Variants in SEMA6D observed in about 807,000 individuals in gnomAD.
SEMA6D encodes the protein semaphorin-6D.
In SEMA6D, 35 loss-of-function variants were observed where a neutral mutation model predicts 106.6. The ratio of observed to expected loss-of-function variants is 0.33; its 90% CI spans 0.25 to 0.44. The LOEUF (loss-of-function observed/expected upper bound fraction) is 0.44, where lower values mean the gene tolerates loss of function less well. Among genes scored for constraint, SEMA6D ranks in the 20% least tolerant of loss-of-function variants. The probability of loss-of-function intolerance (pLI) is 1.00; values close to 1 mark genes in which losing one functional copy is unlikely to be tolerated. For missense variants in SEMA6D, 1,185 were observed against 1,345.9 expected, an observed-to-expected ratio of 0.88 and a Z score of 1.87; for synonymous variants, 499 against 487.7, an observed-to-expected ratio of 1.02 and a Z score of -0.31.
In SEMA6D at chr15:47,207,991, GCGCACACACACACACACACA is replaced by G. The variant is rs1298361248; in HGVS notation, c.-239+23575_-239+23594del. On this transcript the variant is annotated intron_variant, in intron 1 of 19. Coordinates refer to the SEMA6D transcript ENST00000558014. Reference sequence around the variant, plus strand: ...ACAGGTACAGTAGCCACTGGCGCGCGCGCACACACACACACACACACACACACACACACACACACACACAC... The same window carrying G: ...ACAGGTACAGTAGCCACTGGCGCGCGCACACACACACACACACACACACAC... 8.5e-3 allele frequency among the ~76,000 whole-genome samples: 1,041 copies of G among 122,986 alleles called. 16 individuals are homozygous for G. Among genetic ancestry groups the G allele is most frequent in the African/African-American group, 0.024 (769 of 32,162 alleles). 80.7% of individuals were successfully genotyped at this position (122,986 alleles called of 152,430 possible). A position where few individuals can be genotyped will look rare whatever the true frequency, so the allele number is the denominator to read the frequency against.
In SEMA6D at chr15:47,662,857, GCACA is replaced by G. The variant is rs140613951; in HGVS notation, c.-55+61989_-55+61992del. On this transcript the variant is annotated intron_variant, in intron 4 of 19. Transcript: ENST00000558014. ...AGTCATTATTCATGCGTGTATGAGC[GCACA>G]CACACACACACACACACACACACAC... Among the ~76,000 whole-genome samples the G allele has an allele frequency of 9.6e-3, 1,290 of 134,140 alleles. 14 individuals carry two copies. The highest frequency in any genetic ancestry group is 0.028 in the African/African-American group (1,044 of 36,686). The allele number at this position is 134,140 out of a possible 152,430, so 88.0% of individuals were successfully genotyped here. A position where few individuals can be genotyped will look rare whatever the true frequency, so the allele number is the denominator to read the frequency against.
At chr15:47,514,744 A>G (rs368859502) in intron 3 of SEMA6D, among the ~76,000 whole-genome samples, 1 of 152,140 alleles carries the variant, frequency 6.6e-6, no homozygotes, top group African/African-American at 2.4e-5. Context: ...GCCACAGTCT[A>G]TTCTCAACAC....
chr15:47,304,896 A>G (rs543656786), intron 1 of SEMA6D, among the ~76,000 whole-genome samples: 1 of 152,314 alleles, frequency 6.6e-6, no homozygotes, highest in Non-Finnish European at 1.5e-5. Context: ...TTCAACAACA[A>G]TATTCAGTCC....
At chr15:47,192,666 C>T (rs953307718) in intron 1 of SEMA6D, among the ~76,000 whole-genome samples, 5 of 152,076 alleles carry the variant, frequency 3.3e-5, no homozygotes, top group Admixed American at 3.3e-4. Context: ...CAGAGTATAT[C>T]TTACAATGTT....
chr15:47,344,017 C>G (rs2037939277), intron 1 of SEMA6D, among the ~76,000 whole-genome samples: 1 of 152,124 alleles, frequency 6.6e-6, no homozygotes, highest in South Asian at 2.1e-4. Context: ...AAATGCAAAT[C>G]AAAACCACAA....
At chr15:47,423,699 C>T (rs559283302) in intron 2 of SEMA6D, among the ~76,000 whole-genome samples, 1 of 151,920 alleles carries the variant, frequency 6.6e-6, no homozygotes, top group East Asian at 1.9e-4. Context: ...TTCACCACTA[C>T]AGTAAACAAG....
At chr15:47,331,639 T>C (rs2037346724) in intron 1 of SEMA6D, among the ~76,000 whole-genome samples, 1 of 148,390 alleles carries the variant, frequency 6.7e-6, no homozygotes, top group Non-Finnish European at 1.5e-5. Context: ...CAAAACAAAA[T>C]AACAGTATCT....
At chr15:47,216,948 C>T (rs1258886009) in intron 1 of SEMA6D, among the ~76,000 whole-genome samples, 2 of 152,108 alleles carry the variant, frequency 1.3e-5, no homozygotes, top group East Asian at 1.9e-4. Context: ...AATCCTGACC[C>T]GCAGATAATG....
At chr15:47,379,905 G>A (rs1015791659) in intron 1 of SEMA6D, among the ~76,000 whole-genome samples, 1 of 151,438 alleles carries the variant, frequency 6.6e-6, no homozygotes, top group African/African-American at 2.4e-5. Flanking sequence ...CTACAGGCAT[G>A]CCCCACCACG....
chr15:47,303,563 C>G (rs991446115), intron 1 of SEMA6D, among the ~76,000 whole-genome samples: 6 of 152,298 alleles, frequency 3.9e-5, no homozygotes, highest in African/African-American at 1.4e-4. Context: ...CATTAATTTT[C>G]TTGGCTACTT....
intron 3 of SEMA6D, among the ~76,000 whole-genome samples, chr15:47,594,301 C>T (rs1349003175): frequency 6.6e-6 from 1 of 152,170 alleles, no homozygotes; most frequent in African/African-American, 2.4e-5. Flanking sequence ...TTTTCCACCT[C>T]CTGTTCCTCT....
chr15:47,203,715 C>A (rs1331522075), intron 1 of SEMA6D, among the ~76,000 whole-genome samples: 2 of 152,132 alleles, frequency 1.3e-5, no homozygotes, highest in Non-Finnish European at 2.9e-5. Flanking sequence ...AACCTTGACC[C>A]TTTATGATAG....
chr15:47,401,987 A>G (rs1201571244), intron 1 of SEMA6D, among the ~76,000 whole-genome samples: 1 of 152,202 alleles, frequency 6.6e-6, no homozygotes, highest in African/African-American at 2.4e-5. Flanking sequence ...TTTTAAAAGT[A>G]AACAGTTCAC....
chr15:47,761,331 A>G lies in SEMA6D; in HGVS notation c.347A>G (p.Asp116Gly). The change falls in exon 6 of 19, where the codon GAT (aspartate) becomes GGT (glycine). Residue 116 changes from aspartate (D) to glycine (G), a missense_variant and splice_region_variant. By Grantham distance (94) the Asp-to-Gly change is moderately conservative. This residue lies in a region of SEMA6D where 144 missense variants were observed against 138.6 expected (regional missense o/e 1.04). Coordinates refer to ENST00000536845, the MANE Select transcript of SEMA6D (RefSeq NM_001358351.3). Reference protein sequence around the residue: ...ENCAMKGKHKDECHNFIKVFV... With the variant: ...ENCAMKGKHKGECHNFIKVFV... The stretch of plus-strand genomic sequence containing the variant: ...TAATGTAACTACTACTTTCTTTAGG[A>G]TGAATGCCACAACTTTATCAAAGTA... 6.2e-7 allele frequency: 1 copy of G among 1,612,478 alleles called. No individual in the cohort carries two copies. The highest frequency in any genetic ancestry group is 8.5e-7 in the Non-Finnish European group (1 of 1,179,366).
intron 4 of SEMA6D, among the ~76,000 whole-genome samples, chr15:47,639,608 C>A (rs1241356732): frequency 6.6e-6 from 1 of 152,120 alleles, no homozygotes; most frequent in Non-Finnish European, 1.5e-5. Context: ...GTGGAAAAAC[C>A]TGACAAACAT....
intron 1 of SEMA6D, among the ~76,000 whole-genome samples, chr15:47,407,065 A>G (rs1292975826): frequency 6.6e-6 from 1 of 152,186 alleles, no homozygotes; most frequent in East Asian, 1.9e-4. Flanking sequence ...TTAAGTGAAA[A>G]TAGTGAATGT....
At chr15:47,513,479 T>C (rs2044294004) in intron 3 of SEMA6D, among the ~76,000 whole-genome samples, 1 of 152,158 alleles carries the variant, frequency 6.6e-6, no homozygotes, top group African/African-American at 2.4e-5. Context: ...TCCTTGGTCT[T>C]GGGAACTGCA....
In SEMA6D at chr15:47,424,317, C is replaced by T. The variant is rs1028856421; in HGVS notation, c.-159+11845C>T. ...GAAGGATTGAGAATATATACAGAGCCGTAAGATATTGCATACATTTCATGA... is the reference window on the plus strand; with the variant it reads ...GAAGGATTGAGAATATATACAGAGCTGTAAGATATTGCATACATTTCATGA... On this transcript the variant is annotated intron_variant, in intron 2 of 19. Coordinates refer to the SEMA6D transcript ENST00000558014. Among the ~76,000 whole-genome samples the T allele has an allele frequency of 5.3e-5, 8 of 149,720 alleles. No homozygotes were observed. The East Asian group carries it at 9.8e-4, about 18-fold the overall frequency.
rs1326579028 is a variant in SEMA6D, at chr15:47,665,629, G to A, written c.-55+64733G>A. On this transcript the variant is annotated intron_variant, in intron 4 of 19. Transcript: ENST00000558014. ...GTGTGAGACCATCCTGGCCAACATGGTGAAATCCCGTCTCTACTAAAAATA... is the reference window on the plus strand; with the variant it reads ...GTGTGAGACCATCCTGGCCAACATGATGAAATCCCGTCTCTACTAAAAATA... Among the ~76,000 whole-genome samples, 3 of 152,140 alleles carry A rather than the reference G, an allele frequency of 2.0e-5. No homozygotes were observed. In the South Asian group the frequency reaches 6.2e-4, roughly 32 times the overall value.
Sources: gnomAD v4.1 joint callset for allele counts (sites outside exome capture counted in the v4.1 genomes callset) on GRCh38, gnomAD v4.1.1 for gene constraint, gnomAD v4.1.1 regional missense constraint, MANE v1.5 for transcripts, NCBI Gene and HGNC (gene_info 2026-07-23, HGNC 2026-07-21) for gene names.